The following CNTLN variants were observed in gnomAD, a reference collection of about 807,000 sequenced individuals.
CNTLN encodes the protein centlein.
Under a neutral mutation model 180.0 loss-of-function variants are expected in CNTLN, and 212 were observed. That is an observed-to-expected ratio of 1.18 (90% CI 1.05 to 1.32). The LOEUF (loss-of-function observed/expected upper bound fraction) is 1.32, where lower values mean the gene tolerates loss of function less well. Ranked by LOEUF, CNTLN falls within the 40% of genes most tolerant of loss-of-function variation. CNTLN has a pLI of 0.00. For synonymous variants in CNTLN, 722 were observed against 563.1 expected, an observed-to-expected ratio of 1.28 and a Z score of -3.99; for missense variants, 2,095 against 1,610.9, an observed-to-expected ratio of 1.30 and a Z score of -5.14.
intron 15 of CNTLN, among the ~76,000 whole-genome samples, chr9:17,396,693 G>T (rs764598449): frequency 1.3e-5 from 2 of 152,106 alleles, no homozygotes; most frequent in Non-Finnish European, 2.9e-5. Flanking sequence ...CCAAAGGTTA[G>T]GTCACACCCC....
rs201707430 is a variant in CNTLN at position 17,495,735 on chromosome 9, G to A, written c.4120-6816G>A. ...TCCTAAGTCTTCACATTTACTCACC[G>A]CTCACTCACTGACTCGCCCAGAGCA... On this transcript the variant is annotated intron_variant, in intron 25 of 25. Coordinates refer to ENST00000380647, the MANE Select transcript of CNTLN (RefSeq NM_017738.4). Among the ~76,000 whole-genome samples the A allele has an allele frequency of 1.3e-3, 192 of 152,126 alleles. 1 individual carries two copies. Among genetic ancestry groups the A allele is most frequent in the East Asian group, 9.7e-3 (50 of 5,170 alleles).
chr9:17,513,883 A>G, the CNTLN span, among the ~76,000 whole-genome samples: 14 of 152,218 alleles, frequency 9.2e-5, no homozygotes, highest in Non-Finnish European at 2.9e-5. Context: ...AAAAGTGAAA[A>G]CATGCAACAT....
intron 25 of CNTLN, among the ~76,000 whole-genome samples, chr9:17,501,492 T>G (rs1028081352): frequency 6.6e-6 from 1 of 152,210 alleles, no homozygotes; most frequent in South Asian, 2.1e-4. Context: ...GCCATTCTGA[T>G]TGGTTTAATT....
chr9:17,309,090 C>A lies in CNTLN; in HGVS notation c.1179C>A (p.Thr393=). The change falls in exon 8 of 26, where the codon ACC becomes ACA. Residue 393 remains threonine (T), a synonymous_variant. Coordinates refer to ENST00000380647, the MANE Select transcript of CNTLN (RefSeq NM_017738.4). ...ATGAGTTACATATTTGTTTTGAAAC[C>A]ACAAAATCAAATGAAGCTATGCTCC... The part of the protein sequence containing the change: ...LYNELHICFE[T]TKSNEAMLRQ... The A allele has an allele frequency of 2.5e-6, 4 of 1,590,368 alleles. No homozygotes were observed. The highest frequency in any genetic ancestry group is 1.2e-5 in the South Asian group (1 of 86,698).
At chr9:17,262,924 G>T (rs1827114010) in intron 5 of CNTLN, among the ~76,000 whole-genome samples, 1 of 151,108 alleles carries the variant, frequency 6.6e-6, no homozygotes, top group African/African-American at 2.5e-5. Flanking sequence ...ATGAAGGGTT[G>T]TTAGATTTTA....
Position 17,478,806 on chromosome 9 carries a change from C to T in CNTLN, c.3856-5489C>T, listed in dbSNP as rs183689561. Reference sequence around the variant, plus strand: ...ATATTTATGGATTTATTACTGGGTTCTCTATTCTGTTCCATTGGTCTATGT... The same window carrying T: ...ATATTTATGGATTTATTACTGGGTTTTCTATTCTGTTCCATTGGTCTATGT... On this transcript the variant is annotated intron_variant, in intron 23 of 25. Transcript: ENST00000380647. 1.1e-4 allele frequency among the ~76,000 whole-genome samples: 17 copies of T among 152,214 alleles called. No homozygotes were observed. In the East Asian group the frequency reaches 3.1e-3, roughly 28 times the overall value.
At chr9:17,502,243 T>C (rs1400518919) in intron 25 of CNTLN, among the ~76,000 whole-genome samples, 2 of 152,232 alleles carry the variant, frequency 1.3e-5, no homozygotes, top group African/African-American at 4.8e-5. Flanking sequence ...ATTGATCAGC[T>C]GATTGAAGAT....
At chr9:17,312,229 T>C (rs1819180749) in intron 8 of CNTLN, among the ~76,000 whole-genome samples, 1 of 151,428 alleles carries the variant, frequency 6.6e-6, no homozygotes, top group Non-Finnish European at 1.5e-5. Flanking sequence ...TGAGTTTAAG[T>C]GTCTTGTTTA....
chr9:17,366,183 C>T (rs1823800754), intron 12 of CNTLN, among the ~76,000 whole-genome samples: 1 of 152,060 alleles, frequency 6.6e-6, no homozygotes, highest in Non-Finnish European at 1.5e-5. Context: ...TGTAGTGCAG[C>T]AGTGAAATTA....
chr9:17,311,175 C>G (rs908992512), intron 8 of CNTLN, among the ~76,000 whole-genome samples: 6 of 151,868 alleles, frequency 4.0e-5, no homozygotes, highest in African/African-American at 1.2e-4. Flanking sequence ...TAGGCGCCTG[C>G]CACCACACCT....
intron 5 of CNTLN, among the ~76,000 whole-genome samples, chr9:17,241,010 C>A (rs1029607806): frequency 3.3e-5 from 5 of 152,170 alleles, no homozygotes; most frequent in African/African-American, 9.6e-5. Flanking sequence ...AGGCGCCCGG[C>A]ACCACACCCG....
At chr9:17,171,940 G>A (rs1477564299) in intron 2 of CNTLN, among the ~76,000 whole-genome samples, 2 of 152,164 alleles carry the variant, frequency 1.3e-5, no homozygotes, top group African/African-American at 4.8e-5. Context: ...GCAGTTGTGT[G>A]CAGAGTGAAC....
At chr9:17,271,285 C>G (rs1056450976) in intron 5 of CNTLN, among the ~76,000 whole-genome samples, 8 of 151,972 alleles carry the variant, frequency 5.3e-5, no homozygotes, top group Non-Finnish European at 8.8e-5. Flanking sequence ...TGGGGGCGCA[C>G]CATAAATCAT....
intron 18 of CNTLN, among the ~76,000 whole-genome samples, chr9:17,450,320 T>A (rs1830710326): frequency 6.6e-6 from 1 of 152,186 alleles, no homozygotes; most frequent in Non-Finnish European, 1.5e-5. Context: ...AAGAGTTTTT[T>A]TTTCTTGATA....
intron 10 of CNTLN, among the ~76,000 whole-genome samples, chr9:17,337,275 T>C (rs534262794): frequency 6.6e-6 from 1 of 152,320 alleles, no homozygotes; most frequent in Non-Finnish European, 1.5e-5. Flanking sequence ...TTCACTCTGA[T>C]GATAGTTTCT....
chr9:17,173,525 C>A (rs187583629), intron 2 of CNTLN, among the ~76,000 whole-genome samples: 1 of 152,230 alleles, frequency 6.6e-6, no homozygotes, highest in Admixed American at 6.5e-5. Context: ...CACTCTTGAG[C>A]TCATAAGGGT....
chr9:17,496,130 C>A (rs1357453417), intron 25 of CNTLN, among the ~76,000 whole-genome samples: 4 of 152,128 alleles, frequency 2.6e-5, no homozygotes, highest in Admixed American at 2.0e-4. Flanking sequence ...CATCCAGATT[C>A]TGGAGCAACA....
chr9:17,487,458 C>A (rs1156320872), intron 25 of CNTLN, among the ~76,000 whole-genome samples: 1 of 152,078 alleles, frequency 6.6e-6, no homozygotes, highest in African/African-American at 2.4e-5. Context: ...TACTATGGAC[C>A]TGTTTCCAGT....
intron 18 of CNTLN, among the ~76,000 whole-genome samples, chr9:17,451,239 A>G (rs544135325): frequency 2.6e-5 from 4 of 152,262 alleles, no homozygotes; most frequent in Admixed American, 6.5e-5. Context: ...ATTCTGTTCA[A>G]TTAGAATTTT....
Sources: gnomAD v4.1 joint callset for allele counts (sites outside exome capture counted in the v4.1 genomes callset) on GRCh38, gnomAD v4.1.1 for gene constraint, MANE v1.5 for transcripts, NCBI Gene and HGNC (gene_info 2026-07-23, HGNC 2026-07-21) for gene names.